ESR1: variants seen among roughly 807,000 people sequenced by gnomAD.
ESR1 encodes estrogen receptor 1, also known as estrogen receptor.
Under a neutral mutation model 52.7 loss-of-function variants are expected in ESR1, and 12 were observed. The ratio of observed to expected loss-of-function variants is 0.23; its 90% confidence interval spans 0.15 to 0.37. ESR1 has a LOEUF of 0.37. Among genes scored for constraint, ESR1 ranks in the 10% least tolerant of loss-of-function variants. The pLI, the probability that ESR1 is intolerant of heterozygous loss-of-function variation, is 1.00. For synonymous variants in ESR1, 305 were observed against 316.8 expected (o/e 0.96, Z 0.39); for missense variants, 584 against 779.7 (o/e 0.75, Z 2.99).
At chr6:151,850,149 C>G (rs1583661739) in intron 2 of ESR1, among the ~76,000 whole-genome samples, 1 of 5,168 alleles carries the variant, frequency 1.9e-4, no homozygotes, top group East Asian at 5.7e-3. Context: ...TGAATTGTGT[C>G]TCCCAGAAAG....
At chr6:151,686,273 GT>G (rs1468719943), upstream of ESR1, among the ~76,000 whole-genome samples, 1 of 151,980 alleles carries the variant, frequency 6.6e-6, no homozygotes, top group African/African-American at 2.4e-5. Context: ...TTCATACTGA[GT>G]AAAAGACAGT....
chr6:151,760,249 G>A (rs987019993), intron 2 of ESR1, among the ~76,000 whole-genome samples: 10 of 152,210 alleles, frequency 6.6e-5, no homozygotes, highest in Admixed American at 1.3e-4. Flanking sequence ...GGTCACAGTC[G>A]TGTTCCACAC....
intron 1 of ESR1, among the ~76,000 whole-genome samples, chr6:151,665,480 G>T (rs1315769056): frequency 1.3e-5 from 2 of 152,142 alleles, no homozygotes; most frequent in Non-Finnish European, 2.9e-5. Flanking sequence ...CTCCAAAGCT[G>T]GAAGCCACCA....
intron 4 of ESR1, among the ~76,000 whole-genome samples, chr6:151,951,057 A>G (rs1468248642): frequency 6.6e-6 from 1 of 152,098 alleles, no homozygotes; most frequent in Admixed American, 6.6e-5. Context: ...TATAATTGTA[A>G]GAGTTTACAC....
At chr6:151,960,318 T>C (rs2037506869) in intron 4 of ESR1, among the ~76,000 whole-genome samples, 2 of 152,166 alleles carry the variant, frequency 1.3e-5, no homozygotes, top group Admixed American at 1.3e-4. Context: ...ACAACTTAAT[T>C]ATCTATTTTT....
chr6:151,974,999 C>A (rs1326392037), intron 4 of ESR1, among the ~76,000 whole-genome samples: 1 of 152,160 alleles, frequency 6.6e-6, no homozygotes, highest in Admixed American at 6.5e-5. Context: ...CTCTTTTCAC[C>A]TGGACTTTTC....
chr6:151,935,392 C>T (rs1472922384), intron 3 of ESR1, among the ~76,000 whole-genome samples: 1 of 152,254 alleles, frequency 6.6e-6, no homozygotes, highest in Non-Finnish European at 1.5e-5. Context: ...GCCAGCACTT[C>T]ACCAGTGTGG....
At chr6:152,036,796 A>G (rs1382805279) in intron 5 of ESR1, among the ~76,000 whole-genome samples, 1 of 152,206 alleles carries the variant, frequency 6.6e-6, no homozygotes, top group East Asian at 1.9e-4. Context: ...GTGTGGATGG[A>G]AGACAAGATA....
At chr6:151,822,034 G>C (rs1197130680) in intron 1 of ESR1, among the ~76,000 whole-genome samples, 1 of 152,062 alleles carries the variant, frequency 6.6e-6, no homozygotes, top group Non-Finnish European at 1.5e-5. Flanking sequence ...ATTCTACAGA[G>C]ATATATATTT....
At chr6:151,765,907 T>C (rs1397840267) in intron 2 of ESR1, among the ~76,000 whole-genome samples, 1 of 152,216 alleles carries the variant, frequency 6.6e-6, no homozygotes, top group Non-Finnish European at 1.5e-5. Context: ...CAAAATGCGT[T>C]GGTTTATGCA....
chr6:151,848,238 A>G (rs1321900967), intron 2 of ESR1, among the ~76,000 whole-genome samples: 1 of 107,398 alleles, frequency 9.3e-6, no homozygotes, highest in Non-Finnish European at 1.9e-5. Flanking sequence ...ACAAAAAACC[A>G]AACACCGCAT....
At chr6:151,676,200 C>T (rs1778246392) in intron 1 of ESR1, among the ~76,000 whole-genome samples, 1 of 152,136 alleles carries the variant, frequency 6.6e-6, no homozygotes, top group Non-Finnish European at 1.5e-5. Flanking sequence ...AGGAGGCCAG[C>T]CTGCTTCACT....
intron 5 of ESR1, among the ~76,000 whole-genome samples, chr6:152,048,296 G>A (rs2046393581): frequency 6.7e-6 from 1 of 149,714 alleles, no homozygotes; most frequent in African/African-American, 2.5e-5. Context: ...TGCTTGAGGA[G>A]GATATTGCAG....
At chr6:151,825,574 C>T (rs1476827873) in intron 1 of ESR1, among the ~76,000 whole-genome samples, 1 of 152,034 alleles carries the variant, frequency 6.6e-6, no homozygotes, top group Non-Finnish European at 1.5e-5. Context: ...CCCAGAGTCA[C>T]GATGGAAGGC....
chr6:151,801,103 A>T (rs1777201748), upstream of ESR1, among the ~76,000 whole-genome samples: 1 of 148,900 alleles, frequency 6.7e-6, no homozygotes, highest in African/African-American at 2.5e-5. Flanking sequence ...TTAACATTAG[A>T]TAGGACTATC....
rs1191386297 is a variant in ESR1 at position 152,052,932 on chromosome 6, A to G, written c.1236-8059A>G. Among the ~76,000 whole-genome samples the G allele has an allele frequency of 2.6e-5, 4 of 152,260 alleles. No homozygotes were observed. The East Asian group carries it at 5.8e-4, about 22-fold the overall frequency. Reference sequence around the variant, plus strand: ...CAGAAACCCAAGGACATTGCTAAGGAGTTTGTGCCTTAGCCCATCCAGGGC... The same window carrying G: ...CAGAAACCCAAGGACATTGCTAAGGGGTTTGTGCCTTAGCCCATCCAGGGC... On this transcript the variant is annotated intron_variant, in intron 5 of 7. Transcript: ENST00000206249.
chr6:152,024,571 T>C (rs577915294), intron 5 of ESR1, among the ~76,000 whole-genome samples: 31 of 150,952 alleles, frequency 2.1e-4, no homozygotes, highest in South Asian at 6.2e-4. Flanking sequence ...TCAAGTATCC[T>C]TATGTGTATT....
chr6:152,040,702 G>C (rs2045718330), intron 5 of ESR1, among the ~76,000 whole-genome samples: 1 of 152,236 alleles, frequency 6.6e-6, no homozygotes, highest in African/African-American at 2.4e-5. Context: ...AGGGGCTGTA[G>C]TGCTGCAGCT....
intron 2 of ESR1, among the ~76,000 whole-genome samples, chr6:151,854,580 A>G (rs1412420450): frequency 6.6e-6 from 1 of 152,156 alleles, no homozygotes; most frequent in African/African-American, 2.4e-5. Context: ...TGGACTTTCA[A>G]TTTTATCCAA....
Sources: gnomAD v4.1 joint callset for allele counts (sites outside exome capture counted in the v4.1 genomes callset) on GRCh38, gnomAD v4.1.1 for gene constraint, MANE v1.5 for transcripts, NCBI Gene and HGNC (gene_info 2026-07-23, HGNC 2026-07-21) for gene names.